RBM27: variants seen among roughly 807,000 people sequenced by gnomAD.
The protein encoded by RBM27 is RNA binding motif protein 27.
RBM27 carries 22 observed loss-of-function variants against 135.3 expected under a neutral mutation model. The observed-to-expected ratio is 0.16, with a 90% CI of 0.12 to 0.23. RBM27 has a LOEUF of 0.23. Ranked by LOEUF, RBM27 falls within the 10% of genes least tolerant of loss-of-function variation. The pLI, the probability that RBM27 is intolerant of heterozygous loss-of-function variation, is 1.00. For missense variants in RBM27, 1,009 were observed against 1,281.0 expected, an observed-to-expected ratio of 0.79 and a Z score of 3.24; for synonymous variants, 481 against 442.4, an observed-to-expected ratio of 1.09 and a Z score of -1.10.
At chr5:146,247,995 C>A (rs187708769) in intron 8 of RBM27, among the ~76,000 whole-genome samples, 46 of 152,184 alleles carry the variant, frequency 3.0e-4, no homozygotes, top group African/African-American at 1.1e-3. Flanking sequence ...TTTGGTTAAC[C>A]TGAAATGCAG....
At chr5:146,280,178 C>T (rs1015531247) in intron 19 of RBM27, among the ~76,000 whole-genome samples, 1 of 151,914 alleles carries the variant, frequency 6.6e-6, no homozygotes, top group Non-Finnish European at 1.5e-5. Flanking sequence ...CTTTCTTCGC[C>T]TCCTGAGTAG....
chr5:146,249,451 C>T (rs533729357), intron 8 of RBM27, among the ~76,000 whole-genome samples: 107 of 150,726 alleles, frequency 7.1e-4, no homozygotes, highest in Admixed American at 2.4e-3. Flanking sequence ...TTTGGGAGGC[C>T]GAGGTGGGTG....
At chr5:146,238,618 T>A (rs886945521) in intron 8 of RBM27, among the ~76,000 whole-genome samples, 1 of 152,176 alleles carries the variant, frequency 6.6e-6, no homozygotes, top group Admixed American at 6.6e-5. Flanking sequence ...AAACATTTTT[T>A]AAAAAGGTAG....
At chr5:146,211,333 CCAAA>C (rs1166318634) in intron 1 of RBM27, among the ~76,000 whole-genome samples, 2 of 151,314 alleles carry the variant, frequency 1.3e-5, no homozygotes, top group Non-Finnish European at 2.9e-5. Flanking sequence ...TTATAGTAGC[CCAAA>C]CAGACTAAGA....
intron 17 of RBM27, among the ~76,000 whole-genome samples, chr5:146,270,062 G>A (rs1308659107): frequency 2.0e-5 from 3 of 152,092 alleles, no homozygotes; most frequent in Non-Finnish European, 4.4e-5. Context: ...TTCTAATGCT[G>A]TAATAGTATT....
chr5:146,223,313 T>A, intron 2 of RBM27, 90 bp from the exon 3 acceptor site: 4 of 1,222,422 alleles, frequency 3.3e-6, no homozygotes, highest in Middle Eastern at 2.7e-4. Flanking sequence ...GTGTACAAGA[T>A]GTCCTGTTTT....
chr5:146,222,274 G>C (rs936473263), intron 2 of RBM27, among the ~76,000 whole-genome samples: 4 of 152,228 alleles, frequency 2.6e-5, no homozygotes, highest in African/African-American at 9.6e-5. Flanking sequence ...TTTAGAAATA[G>C]CTTTTATGTA....
At chr5:146,273,773 T>C (rs1758970205) in intron 19 of RBM27, among the ~76,000 whole-genome samples, 1 of 152,238 alleles carries the variant, frequency 6.6e-6, no homozygotes, top group African/African-American at 2.4e-5. Context: ...GGGTGAGCCA[T>C]ATCTATATGA....
At chr5:146,227,135 A>G (rs1756715692) in intron 3 of RBM27, among the ~76,000 whole-genome samples, 2 of 152,206 alleles carry the variant, frequency 1.3e-5, no homozygotes, top group Non-Finnish European at 2.9e-5. Context: ...TCACCAGGGT[A>G]AGAGAATTTG....
intron 19 of RBM27, among the ~76,000 whole-genome samples, chr5:146,283,304 C>T (rs1420382579): frequency 6.6e-6 from 1 of 151,976 alleles, no homozygotes; most frequent in Non-Finnish European, 1.5e-5. Context: ...CTTTGGGAGG[C>T]TAAGGTGGGA....
At chr5:146,261,872 C>T in intron 13 of RBM27, 66 bp downstream of exon 13, 3 of 1,534,586 alleles carry the variant, frequency 2.0e-6, no homozygotes, top group African/African-American at 1.4e-5. Flanking sequence ...TTTTTCAATT[C>T]CTGGTCCTTG....
chr5:146,220,510 G>A (rs1283518761), intron 2 of RBM27, among the ~76,000 whole-genome samples: 3 of 146,076 alleles, frequency 2.1e-5, no homozygotes, highest in African/African-American at 7.6e-5. Flanking sequence ...ATATATATAT[G>A]TATGTATAGT....
intron 6 of RBM27, among the ~76,000 whole-genome samples, chr5:146,231,386 T>C (rs1007342979): frequency 6.6e-6 from 1 of 152,138 alleles, no homozygotes; most frequent in Non-Finnish European, 1.5e-5. Context: ...ATTATAGGTG[T>C]GAGCCACCGC....
In RBM27 at chr5:146,288,540, A is replaced by C. The variant is rs1029867821; in HGVS notation, c.*2510A>C. Reference sequence around the variant, plus strand: ...CCCTTTGGGATTTACTTCCACCATCAAATCTTCAACTGTTAGAATTTCACT... The same window carrying C: ...CCCTTTGGGATTTACTTCCACCATCCAATCTTCAACTGTTAGAATTTCACT... On this transcript the variant is annotated 3_prime_UTR_variant, in exon 21 of 21. Transcript: ENST00000265271. The C allele has an allele frequency of 1.3e-5, 2 of 152,074 alleles. No individual in the cohort carries two copies. Among genetic ancestry groups the C allele is most frequent in the African/African-American group, 4.8e-5 (2 of 41,450 alleles). The allele number at this position is 152,074 out of a possible 1,614,324, so 9.4% of individuals were successfully genotyped here. A position where few individuals can be genotyped will look rare whatever the true frequency, so the allele number is the denominator to read the frequency against.
At chr5:146,276,514 C>G (rs1759099329) in intron 19 of RBM27, among the ~76,000 whole-genome samples, 2 of 152,292 alleles carry the variant, frequency 1.3e-5, no homozygotes, top group South Asian at 4.1e-4. Flanking sequence ...GCTGTAATTA[C>G]CAAAGACTTC....
At chr5:146,271,363 G>C (rs577080875) in intron 18 of RBM27, 120 bp from the exon 19 acceptor site, 1 of 919,410 alleles carries the variant, frequency 1.1e-6, no homozygotes, top group South Asian at 1.9e-5. Context: ...TCGTGCCATT[G>C]CACTCGAGCC....
intron 1 of RBM27, among the ~76,000 whole-genome samples, chr5:146,206,610 C>T (rs556023263): frequency 1.3e-5 from 2 of 151,010 alleles, no homozygotes; most frequent in African/African-American, 2.4e-5. Context: ...GATGGAGTTT[C>T]GCTCTTGTTG....
intron 19 of RBM27, among the ~76,000 whole-genome samples, chr5:146,281,969 T>A (rs2126917821): frequency 6.6e-6 from 1 of 152,058 alleles, no homozygotes; most frequent in Admixed American, 6.6e-5. Context: ...TATATAATAG[T>A]TGTATCAATA....
At chr5:146,204,161 C>T (rs1187879564) in intron 1 of RBM27, among the ~76,000 whole-genome samples, 2 of 152,050 alleles carry the variant, frequency 1.3e-5, no homozygotes, top group African/African-American at 4.8e-5. Flanking sequence ...GGTAACGGGG[C>T]TCTTGAGGGA....
Sources: gnomAD v4.1 joint callset for allele counts (sites outside exome capture counted in the v4.1 genomes callset) on GRCh38, gnomAD v4.1.1 for gene constraint, MANE v1.5 for transcripts, NCBI Gene and HGNC (gene_info 2026-07-23, HGNC 2026-07-21) for gene names.